The following HS3ST3B1 variants were observed in gnomAD, a reference collection of about 807,000 sequenced individuals.
HS3ST3B1 encodes heparan sulfate glucosamine 3-O-sulfotransferase 3B1.
A neutral mutation model predicts 21.3 loss-of-function variants in HS3ST3B1; 13 were observed. The ratio of observed to expected loss-of-function variants is 0.61; its 90% CI spans 0.40 to 0.97. The LOEUF is 0.97. Among genes scored for constraint, HS3ST3B1 ranks in the 50% least tolerant of loss-of-function variants. The probability of loss-of-function intolerance (pLI) is 0.00; values close to 1 mark genes in which losing one functional copy is unlikely to be tolerated. For missense variants in HS3ST3B1, 459 were observed against 554.8 expected (o/e 0.83, Z 1.73); for synonymous variants, 234 against 254.8 (o/e 0.92, Z 0.78).
At chr17:14,338,889 A>T (rs1910282476) in intron 1 of HS3ST3B1, among the ~76,000 whole-genome samples, 1 of 152,074 alleles carries the variant, frequency 6.6e-6, no homozygotes, top group Non-Finnish European at 1.5e-5. Context: ...TCATCCCCAA[A>T]TCTTAATGGG....
At chr17:14,302,183 G>A in intron 1 of HS3ST3B1, 111 bp downstream of exon 1, 1 of 1,290,528 alleles carries the variant, frequency 7.7e-7, no homozygotes, top group Non-Finnish European at 1.0e-6. Context: ...GACCACCCGG[G>A]GTAGGGCAGG....
rs924442347 is a variant in HS3ST3B1, at chr17:14,303,701, A to C, written c.554+1629A>C. Among the ~76,000 whole-genome samples, 4 of 152,128 alleles carry C rather than the reference A, an allele frequency of 2.6e-5. No homozygotes were observed. The South Asian group carries it at 8.3e-4, about 32-fold the overall frequency. On this transcript the variant is annotated intron_variant, in intron 1 of 1. Transcript: ENST00000360954. The surrounding 1 kb of genome is among the most constrained non-coding windows in gnomAD (Gnocchi z 5.7). ...TCGCAGGCACGTGAGGGCCTCTCTA[A>C]TCGTTAGCTATTGTCACCGATTGTA...
Position 14,333,489 on chromosome 17 carries a change from A to G in HS3ST3B1, c.555-11539A>G, listed in dbSNP as rs73257305. On this transcript the variant is annotated intron_variant, in intron 1 of 1. Coordinates refer to ENST00000360954, the MANE Select transcript of HS3ST3B1 (RefSeq NM_006041.3). The stretch of plus-strand genomic sequence containing the variant: ...ACTCAAAAAAAAAACAACAAAAAAA[A>G]ACAGATTTTGTTCAACAACTATTGC... 8.3e-3 allele frequency among the ~76,000 whole-genome samples: 1,265 copies of G among 151,962 alleles called. 16 individuals are homozygous for G. The highest frequency in any genetic ancestry group is 0.03 in the African/African-American group (1,226 of 41,410).
At chr17:14,325,687 T>C (rs1037156841) in intron 1 of HS3ST3B1, among the ~76,000 whole-genome samples, 4 of 152,238 alleles carry the variant, frequency 2.6e-5, no homozygotes, top group African/African-American at 9.6e-5. Flanking sequence ...CAAATTTCTT[T>C]ACATTTTAAA....
chr17:14,302,514 C>T (rs1408518306), intron 1 of HS3ST3B1, among the ~76,000 whole-genome samples: 1 of 152,190 alleles, frequency 6.6e-6, no homozygotes, highest in African/African-American at 2.4e-5. Flanking sequence ...AGAGCAGCTT[C>T]TGCTTCCCAG....
rs1325257609 is a variant in HS3ST3B1 at position 14,301,535 on chromosome 17, G to C, written c.17G>C (p.Ser6Thr). The C allele has an allele frequency of 1.9e-6, 3 of 1,572,636 alleles. No individual in the cohort carries two copies. The highest frequency in any genetic ancestry group is 2.6e-6 in the Non-Finnish European group (3 of 1,167,808). Reference protein sequence around the residue: MGQRLSGGRSCLDVPG... With the variant: MGQRLTGGRSCLDVPG... ...GGGCAGCGCATGGGGCAGCGCCTGA[G>C]TGGCGGCAGATCTTGCCTCGATGTC... is the stretch of plus-strand genomic sequence containing the variant. Residue 6 changes from serine to threonine, a missense_variant, in exon 1 of 2, where the codon AGT (serine) becomes ACT (threonine). Coordinates refer to ENST00000360954, the MANE Select transcript of HS3ST3B1 (RefSeq NM_006041.3).
intron 1 of HS3ST3B1, among the ~76,000 whole-genome samples, chr17:14,316,240 C>A (rs1909495061): frequency 6.6e-6 from 1 of 152,204 alleles, no homozygotes; most frequent in African/African-American, 2.4e-5. Flanking sequence ...TGCACCCTCC[C>A]CCTGGCCCCA....
chr17:14,314,021 C>T (rs1909419657), intron 1 of HS3ST3B1, among the ~76,000 whole-genome samples: 1 of 151,874 alleles, frequency 6.6e-6, no homozygotes, highest in African/African-American at 2.4e-5. Context: ...CTCTTGTTGC[C>T]CAGGCTGGAG....
At chr17:14,328,507 A>G (rs1018765178) in intron 1 of HS3ST3B1, 2 of 152,322 alleles carry the variant, frequency 1.3e-5, no homozygotes, top group African/African-American at 4.8e-5. Context: ...ATGATGTCCA[A>G]TTAGAGTTTC....
chr17:14,333,291 C>A (rs1910078328), intron 1 of HS3ST3B1, among the ~76,000 whole-genome samples: 1 of 151,854 alleles, frequency 6.6e-6, no homozygotes, highest in African/African-American at 2.4e-5. Flanking sequence ...TATGGTGAAA[C>A]CCCGTCTCCA....
chr17:14,326,944 A>T (rs867098564), intron 1 of HS3ST3B1, among the ~76,000 whole-genome samples: 2 of 148,024 alleles, frequency 1.4e-5, no homozygotes, highest in Admixed American at 1.3e-4. Context: ...AAAAAAAAAA[A>T]AAGAAGAAGA....
rs566166230 is a variant in HS3ST3B1 at position 14,321,193 on chromosome 17, G to A, written c.554+19121G>A. On this transcript the variant is annotated intron_variant, in intron 1 of 1. Coordinates refer to ENST00000360954, the MANE Select transcript of HS3ST3B1 (RefSeq NM_006041.3). Reference sequence around the variant, plus strand: ...TCAGACACTTTCCCGTCTACGTTCCGGGTTTATAGCTAGGCTAATTTAATT... The same window carrying A: ...TCAGACACTTTCCCGTCTACGTTCCAGGTTTATAGCTAGGCTAATTTAATT... Among the ~76,000 whole-genome samples the A allele has an allele frequency of 4.6e-5, 7 of 152,262 alleles. No individual in the cohort carries two copies. In the South Asian group the frequency reaches 1.0e-3, roughly 23 times the overall value.
intron 1 of HS3ST3B1, among the ~76,000 whole-genome samples, 189 bp from the exon 2 acceptor site, chr17:14,344,839 G>C (rs776863517): frequency 1.9e-4 from 29 of 152,128 alleles, no homozygotes; most frequent in Non-Finnish European, 1.0e-4. Flanking sequence ...TCCGGTAGAT[G>C]GTACCTGCCC....
At chr17:14,328,042 T>C (rs968511652) in intron 1 of HS3ST3B1, 8 of 152,200 alleles carry the variant, frequency 5.3e-5, no homozygotes, top group African/African-American at 1.7e-4. Context: ...ATCTCCTTGG[T>C]GTTTACTGTG....
At chr17:14,317,358 C>T (rs1005035830) in intron 1 of HS3ST3B1, among the ~76,000 whole-genome samples, 1 of 152,160 alleles carries the variant, frequency 6.6e-6, no homozygotes, top group Non-Finnish European at 1.5e-5. Flanking sequence ...AGTTTTGGAA[C>T]TCCTAGAATG....
chr17:14,307,585 G>A (rs921142997), intron 1 of HS3ST3B1, among the ~76,000 whole-genome samples: 2 of 152,110 alleles, frequency 1.3e-5, no homozygotes, highest in Non-Finnish European at 2.9e-5. Flanking sequence ...AAGCACACCA[G>A]GAATTTTTTT....
chr17:14,335,304 A>G (rs959796702), intron 1 of HS3ST3B1, among the ~76,000 whole-genome samples: 8 of 152,250 alleles, frequency 5.3e-5, no homozygotes, highest in African/African-American at 1.9e-4. Flanking sequence ...GCTGAAGCCC[A>G]GAAAAGTAAC....
chr17:14,314,183 T>G (rs1320902804), intron 1 of HS3ST3B1, among the ~76,000 whole-genome samples: 2 of 151,982 alleles, frequency 1.3e-5, no homozygotes, highest in African/African-American at 4.8e-5. Context: ...TTCTCCATGT[T>G]GGTCAGGCTG....
intron 1 of HS3ST3B1, among the ~76,000 whole-genome samples, chr17:14,326,685 G>A (rs570912434): frequency 5.5e-4 from 84 of 152,068 alleles, no homozygotes; most frequent in African/African-American, 1.1e-3. Flanking sequence ...TTGGGAGGCC[G>A]AGGCGGGTGG....
Sources: allele counts gnomAD v4.1 joint callset (sites outside exome capture counted in the v4.1 genomes callset), GRCh38; gene constraint gnomAD v4.1.1; non-coding constraint Gnocchi (gnomAD v3.1); transcripts MANE v1.5; gene names NCBI Gene and HGNC (gene_info 2026-07-23, HGNC 2026-07-21).